AGBL1: variants seen among roughly 807,000 people sequenced by gnomAD.
The protein encoded by AGBL1 is AGBL carboxypeptidase 1.
AGBL1 carries 130 observed loss-of-function variants against 118.9 expected under a neutral mutation model. That is an observed-to-expected ratio of 1.09 (90% CI 0.95 to 1.26). The LOEUF is 1.26. AGBL1 is among the 50% of genes most tolerant of loss of function. The pLI is 0.00. For synonymous variants in AGBL1, 555 were observed against 478.9 expected, an observed-to-expected ratio of 1.16 and a Z score of -2.08; for missense variants, 1,584 against 1,298.1, an observed-to-expected ratio of 1.22 and a Z score of -3.38.
chr15:86,803,810 T>C (rs2078682580), intron 22 of AGBL1, among the ~76,000 whole-genome samples: 2 of 152,110 alleles, frequency 1.3e-5, no homozygotes, highest in Admixed American at 6.6e-5. Context: ...CATTTTGGGT[T>C]GTCACAACTT....
intron 21 of AGBL1, among the ~76,000 whole-genome samples, chr15:86,669,614 C>T (rs2085705779): frequency 6.6e-6 from 1 of 152,010 alleles, no homozygotes; most frequent in Non-Finnish European, 1.5e-5. Context: ...TTCAGAAAAT[C>T]CAAGATAAGG....
intron 24 of AGBL1, among the ~76,000 whole-genome samples, chr15:87,013,510 A>AT (rs1474046562): frequency 7.2e-6 from 1 of 138,546 alleles, no homozygotes; most frequent in Non-Finnish European, 1.6e-5. Context: ...ATAATAATCT[A>AT]TTTTTTCTTT....
At chr15:86,883,872 G>A (rs921062330) in intron 22 of AGBL1, among the ~76,000 whole-genome samples, 1 of 152,116 alleles carries the variant, frequency 6.6e-6, no homozygotes, top group African/African-American at 2.4e-5. Context: ...TAGGCACACT[G>A]GGTAACAAAT....
chr15:86,900,044 C>A (rs1018517865), intron 22 of AGBL1, among the ~76,000 whole-genome samples: 1 of 152,124 alleles, frequency 6.6e-6, no homozygotes, highest in East Asian at 1.9e-4. Flanking sequence ...ATGCTTCCTG[C>A]CCTTGAACAT....
chr15:86,090,030 G>T (rs936370355), intron 1 of AGBL1, among the ~76,000 whole-genome samples: 7 of 152,184 alleles, frequency 4.6e-5, no homozygotes, highest in Admixed American at 2.6e-4. Flanking sequence ...TACTTACTAT[G>T]TACCAGGAAA....
At chr15:87,030,372 A>AATT (rs1397990868), downstream of AGBL1, among the ~76,000 whole-genome samples, 3 of 152,034 alleles carry the variant, frequency 2.0e-5, no homozygotes, top group Non-Finnish European at 2.9e-5. Flanking sequence ...TCTTAGATAT[A>AATT]ATTTTTATTT....
intron 18 of AGBL1, among the ~76,000 whole-genome samples, chr15:86,483,437 C>T (rs1023226521): frequency 5.9e-5 from 9 of 152,016 alleles, no homozygotes; most frequent in African/African-American, 2.2e-4. Context: ...GGAAAAAATG[C>T]CTAATGGCAG....
At chr15:86,829,450 A>G (rs1382536556) in intron 22 of AGBL1, among the ~76,000 whole-genome samples, 1 of 152,142 alleles carries the variant, frequency 6.6e-6, no homozygotes, top group South Asian at 2.1e-4. Context: ...GTAAAGAATG[A>G]TGATGTGTTG....
chr15:86,902,560 G>A (rs2080226141), intron 22 of AGBL1, among the ~76,000 whole-genome samples: 1 of 152,004 alleles, frequency 6.6e-6, no homozygotes, highest in Admixed American at 6.6e-5. Flanking sequence ...TGTTTAGAGA[G>A]TTTCCTTTAA....
At chr15:86,343,802 C>T (rs534961075) in intron 17 of AGBL1, among the ~76,000 whole-genome samples, 1 of 152,216 alleles carries the variant, frequency 6.6e-6, no homozygotes, top group African/African-American at 2.4e-5. Context: ...AGAATGTGAC[C>T]AGCAGGTCCT....
intron 22 of AGBL1, among the ~76,000 whole-genome samples, chr15:86,750,369 T>C (rs562065876): frequency 2.0e-4 from 30 of 151,424 alleles, no homozygotes; most frequent in Non-Finnish European, 3.3e-4. Flanking sequence ...ATCAGGGTAA[T>C]TGACATTTTA....
At position 86,479,105 on chromosome 15, in the gene AGBL1, G is replaced by A. The variant is rs948822238; in HGVS notation, c.2556-43705G>A. 1.9e-4 allele frequency among the ~76,000 whole-genome samples: 29 copies of A among 152,248 alleles called. 1 individual carries two copies. The highest frequency in any genetic ancestry group is 1.2e-3 in the South Asian group (6 of 4,828). ...TTCAAGATGGATTAAAGCCTTAAAT[G>A]TTAGACCTAAAACCATAAAAACCCT... On this transcript the variant is annotated intron_variant, in intron 18 of 22. Coordinates refer to ENST00000614907, the MANE Select transcript of AGBL1 (RefSeq NM_001386094.1).
chr15:86,399,613 A>C (rs1399196959), intron 18 of AGBL1, among the ~76,000 whole-genome samples: 1 of 152,172 alleles, frequency 6.6e-6, no homozygotes, highest in Non-Finnish European at 1.5e-5. Context: ...GGCAATATTC[A>C]AGCTCAGGGA....
At chr15:86,825,873 G>T (rs2079003928) in intron 22 of AGBL1, among the ~76,000 whole-genome samples, 1 of 146,526 alleles carries the variant, frequency 6.8e-6, no homozygotes, top group Non-Finnish European at 1.5e-5. Context: ...AAATGTGACA[G>T]ATGATAGATG....
chr15:86,712,971 T>G (rs1284725185), intron 22 of AGBL1, among the ~76,000 whole-genome samples: 1 of 152,132 alleles, frequency 6.6e-6, no homozygotes, highest in Non-Finnish European at 1.5e-5. Flanking sequence ...ACCCCCTTCC[T>G]ATGTGATAAT....
intron 22 of AGBL1, among the ~76,000 whole-genome samples, chr15:86,749,496 C>A (rs932262415): frequency 1.3e-5 from 2 of 151,846 alleles, no homozygotes; most frequent in African/African-American, 4.8e-5. Context: ...ATTGAATACC[C>A]TTTATTTCCT....
intron 21 of AGBL1, among the ~76,000 whole-genome samples, chr15:86,564,066 G>T (rs534713030): frequency 6.6e-6 from 1 of 152,146 alleles, no homozygotes; most frequent in Non-Finnish European, 1.5e-5. Context: ...CACACGGATG[G>T]GTCTTGACTC....
intron 1 of AGBL1, among the ~76,000 whole-genome samples, chr15:86,118,801 T>C (rs1327211998): frequency 1.3e-5 from 2 of 152,132 alleles, no homozygotes; most frequent in South Asian, 2.1e-4. Context: ...AAATTTGTAC[T>C]AATAATTAAC....
chr15:86,500,661 C>T (rs1019659001), intron 18 of AGBL1, among the ~76,000 whole-genome samples: 15 of 151,722 alleles, frequency 9.9e-5, no homozygotes, highest in African/African-American at 3.4e-4. Context: ...CTGTTTTCCT[C>T]TCCTCTCAGT....
Sources: gnomAD v4.1 joint callset for allele counts (sites outside exome capture counted in the v4.1 genomes callset) on GRCh38, gnomAD v4.1.1 for gene constraint, MANE v1.5 for transcripts, NCBI Gene and HGNC (gene_info 2026-07-23, HGNC 2026-07-21) for gene names.